TRPS1: variants seen among roughly 807,000 people sequenced by gnomAD.
TRPS1 encodes the protein transcriptional repressor GATA binding 1.
A neutral mutation model predicts 101.2 loss-of-function variants in TRPS1; 6 were observed. The ratio of observed to expected loss-of-function variants is 0.06; its 90% confidence interval spans 0.03 to 0.12. The LOEUF (loss-of-function observed/expected upper bound fraction) is 0.12, where lower values mean the gene tolerates loss of function less well. TRPS1 is among the 10% of genes least tolerant of loss of function. The pLI is 1.00. For missense variants in TRPS1, 1,363 were observed against 1,567.0 expected, an observed-to-expected ratio of 0.87 and a Z score of 2.20; for synonymous variants, 578 against 589.8, an observed-to-expected ratio of 0.98 and a Z score of 0.29.
intron 5 of TRPS1, among the ~76,000 whole-genome samples, chr8:115,532,805 A>C (rs1166877560): frequency 6.6e-6 from 1 of 152,166 alleles, no homozygotes; most frequent in Non-Finnish European, 1.5e-5. Flanking sequence ...ATGAGGCTGC[A>C]TCAGAAGAGT....
At chr8:115,453,887 A>T (rs1430773180) in intron 5 of TRPS1, among the ~76,000 whole-genome samples, 1 of 152,218 alleles carries the variant, frequency 6.6e-6, no homozygotes, top group Non-Finnish European at 1.5e-5. Context: ...AAGCCTTTGG[A>T]TGAGAGAAAA....
chr8:115,566,763 A>G (rs891772407), intron 5 of TRPS1, among the ~76,000 whole-genome samples: 1 of 152,116 alleles, frequency 6.6e-6, no homozygotes, highest in African/African-American at 2.4e-5. Flanking sequence ...ACACATTTTC[A>G]TTTTGCCTCG....
chr8:115,645,642 G>A (rs1014914048), intron 1 of TRPS1, among the ~76,000 whole-genome samples: 1 of 151,980 alleles, frequency 6.6e-6, no homozygotes. Context: ...TACTACAAGA[G>A]GAAATCCCTG....
intron 5 of TRPS1, among the ~76,000 whole-genome samples, chr8:115,440,823 T>C (rs2129877673): frequency 6.6e-6 from 1 of 152,338 alleles, no homozygotes; most frequent in Non-Finnish European, 1.5e-5. Context: ...AGTACTGTCA[T>C]TTTGTTGCGT....
chr8:115,432,887 C>G (rs2129839263), intron 5 of TRPS1, among the ~76,000 whole-genome samples: 1 of 151,470 alleles, frequency 6.6e-6, no homozygotes, highest in Non-Finnish European at 1.5e-5. Flanking sequence ...CTTTCTTGAA[C>G]TTGACTTTTT....
At chr8:115,606,253 A>G (rs1818035903) in intron 3 of TRPS1, among the ~76,000 whole-genome samples, 1 of 152,208 alleles carries the variant, frequency 6.6e-6, no homozygotes, top group Non-Finnish European at 1.5e-5. Flanking sequence ...CCTCTATTGT[A>G]CAGGACTAAG....
At chr8:115,446,399 C>A (rs1813738360) in intron 5 of TRPS1, among the ~76,000 whole-genome samples, 1 of 151,362 alleles carries the variant, frequency 6.6e-6, no homozygotes, top group African/African-American at 2.4e-5. Context: ...CCTGCACCAG[C>A]TGCTTCCAAT....
chr8:115,503,234 C>T (rs144122050), intron 5 of TRPS1, among the ~76,000 whole-genome samples: 1,744 of 126,870 alleles, frequency 0.014, 39 homozygotes, highest in South Asian at 0.057. Context: ...AGCCCCAGCC[C>T]GGGAGACAGA....
At chr8:115,529,583 A>C (rs1054362714) in intron 5 of TRPS1, among the ~76,000 whole-genome samples, 1 of 152,070 alleles carries the variant, frequency 6.6e-6, no homozygotes, top group Non-Finnish European at 1.5e-5. Context: ...ACCTCTCCTG[A>C]AGAAGAGAAA....
rs554931591 is a variant in TRPS1, at chr8:115,496,214, C to T, written c.2701-77762G>A. 1.4e-4 allele frequency among the ~76,000 whole-genome samples: 22 copies of T among 152,226 alleles called. No individual in the cohort carries two copies. In the East Asian group the frequency reaches 3.5e-3, roughly 24 times the overall value. On this transcript the variant is annotated intron_variant, in intron 5 of 6. Transcript: ENST00000395715. ...AAAACAAAATTATAATTTACAAAGC[C>T]TAAGAAACTATCAATAGAACCCGGT... is the stretch of plus-strand genomic sequence containing the variant.
At position 115,418,251 on chromosome 8, in the gene TRPS1, G is replaced by A; in HGVS notation, c.2823+79C>T. 6.2e-7 allele frequency: 1 copy of A among 1,612,032 alleles called. No individual in the cohort carries two copies. The highest frequency in any genetic ancestry group is 8.5e-7 in the Non-Finnish European group (1 of 1,178,736). On this transcript the variant is annotated intron_variant, in intron 6 of 6. Coordinates refer to ENST00000395715, the MANE Select transcript of TRPS1 (RefSeq NM_014112.5). This position sits in a 1 kb window ranked among gnomAD's most constrained non-coding sequence, Gnocchi z 4.3. ...GCGGGGGCAGGCACTGCAAGCCAGG[G>A]AATGGGACTTATCACACCACAGACC...
At chr8:115,516,843 A>G (rs1815723895) in intron 5 of TRPS1, among the ~76,000 whole-genome samples, 1 of 151,642 alleles carries the variant, frequency 6.6e-6, no homozygotes, top group Admixed American at 6.6e-5. Flanking sequence ...CTTTTACTAT[A>G]TAACACTATC....
intron 5 of TRPS1, among the ~76,000 whole-genome samples, chr8:115,502,261 CA>C (rs1815337212): frequency 6.6e-6 from 1 of 152,068 alleles, no homozygotes; most frequent in South Asian, 2.1e-4. Flanking sequence ...TAAGTACAGG[CA>C]TCAAAGATAG....
chr8:115,587,480 C>T lies in TRPS1; in HGVS notation c.2221G>A (p.Glu741Lys). The T allele has an allele frequency of 1.2e-6, 2 of 1,614,140 alleles. No individual in the cohort carries two copies. The highest frequency in any genetic ancestry group is 1.7e-6 in the Non-Finnish European group (2 of 1,180,016). The change falls in exon 5 of 7, where the codon GAG becomes AAG. Residue 741 changes from glutamate to lysine, a missense_variant. Coordinates refer to ENST00000395715, the MANE Select transcript of TRPS1 (RefSeq NM_014112.5). ...ATGGTGGATATGGCATGACCGTCCT[C>T]TTCGCCGTTGGCTGTAGTGATGTCC... The part of the protein sequence containing the change: ...EQDITTANGE[E>K]DGHAISTIKE...
At chr8:115,490,328 G>T (rs1814990651) in intron 5 of TRPS1, among the ~76,000 whole-genome samples, 1 of 151,990 alleles carries the variant, frequency 6.6e-6, no homozygotes, top group Non-Finnish European at 1.5e-5. Context: ...TTTATTATAA[G>T]GGGATAAAGA....
intron 5 of TRPS1, among the ~76,000 whole-genome samples, chr8:115,583,161 T>C (rs1402324822): frequency 6.6e-6 from 1 of 152,080 alleles, no homozygotes; most frequent in Non-Finnish European, 1.5e-5. Context: ...AAAAATTCCA[T>C]TACAAAAATA....
At chr8:115,525,361 C>T (rs1445354562) in intron 5 of TRPS1, among the ~76,000 whole-genome samples, 3 of 151,916 alleles carry the variant, frequency 2.0e-5, no homozygotes, top group Non-Finnish European at 4.4e-5. Flanking sequence ...TACAGAGAAG[C>T]CAGGAAAGAA....
intron 2 of TRPS1, among the ~76,000 whole-genome samples, chr8:115,620,645 C>T (rs1419934418): frequency 3.3e-5 from 5 of 152,292 alleles, no homozygotes; most frequent in African/African-American, 9.6e-5. Flanking sequence ...ACAGAAACAG[C>T]TATGTTATAA....
chr8:115,659,229 C>T (rs1811741243), intron 1 of TRPS1, among the ~76,000 whole-genome samples: 1 of 151,836 alleles, frequency 6.6e-6, no homozygotes, highest in Admixed American at 6.6e-5. Context: ...TCATATTTTT[C>T]AATCCTTGAA....
Sources: gnomAD v4.1 joint callset for allele counts (sites outside exome capture counted in the v4.1 genomes callset) on GRCh38, gnomAD v4.1.1 for gene constraint, Gnocchi (gnomAD v3.1) non-coding constraint, MANE v1.5 for transcripts, NCBI Gene and HGNC (gene_info 2026-07-23, HGNC 2026-07-21) for gene names.